Variants in MACROD2 observed in about 807,000 individuals in gnomAD.
MACROD2 encodes ADP-ribose glycohydrolase MACROD2.
A neutral mutation model predicts 70.4 loss-of-function variants in MACROD2; 36 were observed. The ratio of observed to expected loss-of-function variants is 0.51; its 90% CI spans 0.39 to 0.68. The LOEUF is 0.68. Among genes scored for constraint, MACROD2 ranks in the 30% least tolerant of loss-of-function variants. The pLI is 0.00. For synonymous variants in MACROD2, 172 were observed against 178.8 expected (o/e 0.96, Z 0.30); for missense variants, 496 against 538.4 (o/e 0.92, Z 0.78).
intron 5 of MACROD2, among the ~76,000 whole-genome samples, chr20:15,193,778 T>C (rs2076587212): frequency 6.6e-6 from 1 of 151,590 alleles, no homozygotes; most frequent in African/African-American, 2.4e-5. Context: ...CTCACAGCCC[T>C]CTCTTGGTGG....
At chr20:14,050,616 G>A (rs954668423) in intron 2 of MACROD2, among the ~76,000 whole-genome samples, 1 of 152,056 alleles carries the variant, frequency 6.6e-6, no homozygotes, top group Non-Finnish European at 1.5e-5. Context: ...GAAAGTGAAC[G>A]AAGGAAAAAA....
intron 5 of MACROD2, among the ~76,000 whole-genome samples, chr20:14,739,990 C>G (rs959544099): frequency 2.0e-5 from 3 of 151,956 alleles, no homozygotes; most frequent in Admixed American, 1.3e-4. Context: ...TGCATACAAG[C>G]TTATATGTAC....
intron 3 of MACROD2, among the ~76,000 whole-genome samples, chr20:14,151,582 A>T (rs116963673): frequency 6.6e-6 from 1 of 152,112 alleles, no homozygotes; most frequent in African/African-American, 2.4e-5. Flanking sequence ...AATGTTACCT[A>T]TAAGTATTGT....
At chr20:14,563,696 T>G (rs1005538992) in intron 4 of MACROD2, among the ~76,000 whole-genome samples, 17 of 152,008 alleles carry the variant, frequency 1.1e-4, no homozygotes, top group African/African-American at 4.1e-4. Context: ...GGTTCTTTTT[T>G]TATAAGTTCT....
intron 8 of MACROD2, among the ~76,000 whole-genome samples, chr20:15,670,331 A>G (rs2049962383): frequency 1.3e-5 from 2 of 152,190 alleles, no homozygotes; most frequent in Non-Finnish European, 2.9e-5. Context: ...GTGTTGTCAA[A>G]CAGAGGCAGA....
intron 5 of MACROD2, among the ~76,000 whole-genome samples, chr20:15,055,104 C>T (rs1442750765): frequency 6.6e-6 from 1 of 152,050 alleles, no homozygotes; most frequent in Non-Finnish European, 1.5e-5. Context: ...CGCCTTCCAC[C>T]ACACCCAGCT....
intron 5 of MACROD2, among the ~76,000 whole-genome samples, chr20:15,190,751 A>G (rs1230797286): frequency 1.3e-5 from 2 of 152,094 alleles, no homozygotes; most frequent in Non-Finnish European, 2.9e-5. Context: ...GAGGCCTTAG[A>G]GTGGTTTCTG....
intron 5 of MACROD2, among the ~76,000 whole-genome samples, chr20:15,009,590 T>C (rs1429402309): frequency 6.6e-6 from 1 of 152,184 alleles, no homozygotes; most frequent in Non-Finnish European, 1.5e-5. Flanking sequence ...TGAGCAAAAC[T>C]ATATCATGAG....
intron 3 of MACROD2, among the ~76,000 whole-genome samples, chr20:14,313,783 T>G (rs1237551788): frequency 6.6e-6 from 1 of 152,220 alleles, no homozygotes; most frequent in Non-Finnish European, 1.5e-5. Context: ...AAGAATGTCT[T>G]GTGTAAACAT....
intron 5 of MACROD2, among the ~76,000 whole-genome samples, chr20:14,703,739 T>A (rs2071234705): frequency 6.6e-6 from 1 of 152,140 alleles, no homozygotes; most frequent in African/African-American, 2.4e-5. Context: ...AATTACTTTT[T>A]TTTTTCAGAC....
At chr20:15,408,870 G>T (rs1185115054) in intron 6 of MACROD2, among the ~76,000 whole-genome samples, 1 of 152,152 alleles carries the variant, frequency 6.6e-6, no homozygotes, top group Non-Finnish European at 1.5e-5. Context: ...GTGAAAATGG[G>T]ATCATTTTAT....
chr20:14,545,301 C>T (rs1249635993), intron 4 of MACROD2, among the ~76,000 whole-genome samples: 1 of 152,144 alleles, frequency 6.6e-6, no homozygotes, highest in African/African-American at 2.4e-5. Context: ...GTATTGTTGG[C>T]TGCTCCTTGG....
At chr20:15,256,610 G>A (rs2077201780) in intron 6 of MACROD2, among the ~76,000 whole-genome samples, 2 of 151,916 alleles carry the variant, frequency 1.3e-5, no homozygotes, top group Admixed American at 6.6e-5. Flanking sequence ...AAAACTTTTA[G>A]CTGTTTATAG....
chr20:14,843,374 A>G (rs1159110291), intron 5 of MACROD2, among the ~76,000 whole-genome samples: 1 of 151,866 alleles, frequency 6.6e-6, no homozygotes, highest in Non-Finnish European at 1.5e-5. Flanking sequence ...ACAGTAGTAT[A>G]TGCATATAAT....
At chr20:14,047,141 AAAAC>A (rs2053490012) in intron 2 of MACROD2, among the ~76,000 whole-genome samples, 1 of 152,188 alleles carries the variant, frequency 6.6e-6, no homozygotes, top group African/African-American at 2.4e-5. Flanking sequence ...TACATATATA[AAAAC>A]AAAGAAATCC....
At chr20:14,224,687 TC>T (rs1245306779) in intron 3 of MACROD2, among the ~76,000 whole-genome samples, 1 of 152,262 alleles carries the variant, frequency 6.6e-6, no homozygotes, top group Non-Finnish European at 1.5e-5. Context: ...GTGAGGCTGC[TC>T]CTGCCCTCTT....
rs550766892 is a variant in MACROD2 at position 14,093,049 on chromosome 20, A to C, written c.271+7321A>C. Among the ~76,000 whole-genome samples, 8 of 152,258 alleles carry C rather than the reference A, an allele frequency of 5.3e-5. No individual in the cohort carries two copies. In the East Asian group the frequency reaches 1.5e-3, roughly 29 times the overall value. On this transcript the variant is annotated intron_variant, in intron 3 of 17. Coordinates refer to ENST00000684519, the MANE Select transcript of MACROD2 (RefSeq NM_001351661.2). ...GTCTAGTTACTAATATATAATTGAC[A>C]CTTACCTGTATGTACTTTTAGTTTG...
intron 3 of MACROD2, among the ~76,000 whole-genome samples, chr20:14,460,374 C>T (rs1156629712): frequency 6.6e-6 from 1 of 152,100 alleles, no homozygotes; most frequent in Admixed American, 6.5e-5. Flanking sequence ...TCTCCACATC[C>T]TCTCCAGCAT....
chr20:15,440,632 T>G (rs897612134), intron 7 of MACROD2, among the ~76,000 whole-genome samples: 3 of 152,234 alleles, frequency 2.0e-5, no homozygotes, highest in Non-Finnish European at 4.4e-5. Context: ...GCCAAGGGCA[T>G]GCCCTTCATC....
Sources: allele counts gnomAD v4.1 joint callset (sites outside exome capture counted in the v4.1 genomes callset), GRCh38; gene constraint gnomAD v4.1.1; transcripts MANE v1.5; gene names NCBI Gene and HGNC (gene_info 2026-07-23, HGNC 2026-07-21).